Variants in EXOC4 observed in about 807,000 individuals in gnomAD.
EXOC4 encodes the protein SEC8-like 1.
Under a neutral mutation model 107.2 loss-of-function variants are expected in EXOC4, and 71 were observed. That is an observed-to-expected ratio of 0.66 (90% CI 0.55 to 0.81). EXOC4 has a LOEUF of 0.81. EXOC4 is among the 30% of genes least tolerant of loss of function. EXOC4 has a pLI of 0.00. For missense variants in EXOC4, 1,108 were observed against 1,189.6 expected, an observed-to-expected ratio of 0.93 and a Z score of 1.01; for synonymous variants, 456 against 441.2, an observed-to-expected ratio of 1.03 and a Z score of -0.42.
At chr7:133,911,514 T>C (rs1424260513) in intron 12 of EXOC4, among the ~76,000 whole-genome samples, 3 of 152,218 alleles carry the variant, frequency 2.0e-5, no homozygotes, top group African/African-American at 7.2e-5. Context: ...GCCTTTTCAT[T>C]CATTTGGATG....
intron 5 of EXOC4, 60 bp from the exon 6 acceptor site, chr7:133,356,270 T>C (rs1796017953): frequency 1.4e-5 from 22 of 1,560,694 alleles, no homozygotes; most frequent in Non-Finnish European, 1.8e-5. Context: ...ATTAGACTGC[T>C]CTGTTTTGGG....
At chr7:133,441,862 A>G (rs1474250954) in intron 7 of EXOC4, among the ~76,000 whole-genome samples, 1 of 152,182 alleles carries the variant, frequency 6.6e-6, no homozygotes, top group African/African-American at 2.4e-5. Context: ...GTGCATGCAC[A>G]TACACGCACA....
At chr7:133,586,624 CGGGTATATACCCAATAATGGGATTGCT>C (rs1801411109) in intron 9 of EXOC4, among the ~76,000 whole-genome samples, 1 of 152,036 alleles carries the variant, frequency 6.6e-6, no homozygotes, top group African/African-American at 2.4e-5. Flanking sequence ...TATATTCTTT[CGGGTATATACCCAATAATGGGATTGCT>C]GGGTTGAATA....
At chr7:134,038,944 C>T (rs1270492920) in intron 17 of EXOC4, among the ~76,000 whole-genome samples, 1 of 152,206 alleles carries the variant, frequency 6.6e-6, no homozygotes, top group Non-Finnish European at 1.5e-5. Context: ...TAAAGAGATA[C>T]CCATGTGTGT....
chr7:133,932,675 C>T (rs539250136), intron 13 of EXOC4, among the ~76,000 whole-genome samples: 3 of 152,312 alleles, frequency 2.0e-5, no homozygotes, highest in Non-Finnish European at 2.9e-5. Context: ...AAGACATTCT[C>T]TTATGTACCC....
At chr7:133,590,215 C>G (rs1325075127) in intron 9 of EXOC4, among the ~76,000 whole-genome samples, 1 of 152,172 alleles carries the variant, frequency 6.6e-6, no homozygotes, top group Non-Finnish European at 1.5e-5. Flanking sequence ...GTTCCTTTCT[C>G]TGCCTCCTGT....
rs550190056 is a variant in EXOC4, at chr7:133,854,777, C to G, written c.1734+37233C>G. On this transcript the variant is annotated intron_variant, in intron 11 of 17. Transcript: ENST00000253861. Reference sequence around the variant, plus strand: ...ATTTCATCTGCTTGGGTGTATCCTCCTCACCATCCCTTTTCCTTATTCCCT... The same window carrying G: ...ATTTCATCTGCTTGGGTGTATCCTCGTCACCATCCCTTTTCCTTATTCCCT... 4.0e-5 allele frequency among the ~76,000 whole-genome samples: 6 copies of G among 150,032 alleles called. No homozygotes were observed. In the East Asian group the frequency reaches 1.2e-3, roughly 30 times the overall value.
chr7:133,567,049 A>G (rs1214546243), intron 9 of EXOC4, among the ~76,000 whole-genome samples: 2 of 152,150 alleles, frequency 1.3e-5, no homozygotes, highest in African/African-American at 4.8e-5. Context: ...CTGGCTTAAG[A>G]AAACCAGCTT....
chr7:133,956,250 G>A (rs1010386225), intron 14 of EXOC4, among the ~76,000 whole-genome samples: 1 of 152,046 alleles, frequency 6.6e-6, no homozygotes, highest in Non-Finnish European at 1.5e-5. Context: ...GACATAATTA[G>A]GAGTTTAGCA....
At chr7:133,585,029 T>TC (rs1321158062) in intron 9 of EXOC4, among the ~76,000 whole-genome samples, 1 of 152,138 alleles carries the variant, frequency 6.6e-6, no homozygotes, top group Non-Finnish European at 1.5e-5. Flanking sequence ...TTTATTTTTT[T>TC]GAATGTAAAT....
chr7:133,632,610 T>A (rs1802616829), intron 10 of EXOC4, among the ~76,000 whole-genome samples: 1 of 152,212 alleles, frequency 6.6e-6, no homozygotes, highest in Admixed American at 6.5e-5. Context: ...TTCAGAAGTT[T>A]AGTTTTTGTA....
intron 11 of EXOC4, among the ~76,000 whole-genome samples, chr7:133,884,509 G>A (rs1025737779): frequency 6.6e-5 from 10 of 151,894 alleles, no homozygotes; most frequent in African/African-American, 2.2e-4. Context: ...ACACATTCAG[G>A]TGCATCAGCC....
intron 10 of EXOC4, among the ~76,000 whole-genome samples, chr7:133,648,822 G>C (rs1803060521): frequency 6.6e-6 from 1 of 152,196 alleles, no homozygotes; most frequent in Non-Finnish European, 1.5e-5. Flanking sequence ...TTGAGGGGCA[G>C]TTAAAAACAG....
chr7:134,083,049 TG>T, the EXOC4 span, among the ~76,000 whole-genome samples: 1 of 152,348 alleles, frequency 6.6e-6, no homozygotes, highest in South Asian at 2.1e-4. Flanking sequence ...GGAATCTTTC[TG>T]GAATACAATT....
At position 133,277,968 on chromosome 7, in the gene EXOC4, C is replaced by T. The variant is rs182686916; in HGVS notation, c.276+2797C>T. On this transcript the variant is annotated intron_variant, in intron 2 of 17. Coordinates refer to ENST00000253861, the MANE Select transcript of EXOC4 (RefSeq NM_021807.4). Reference sequence around the variant, plus strand: ...CATGGATGATTCAGTAACGATTGGGCTACGTTATCTCAGAGCCAAGCAAAA... The same window carrying T: ...CATGGATGATTCAGTAACGATTGGGTTACGTTATCTCAGAGCCAAGCAAAA... 7.7e-4 allele frequency among the ~76,000 whole-genome samples: 117 copies of T among 152,262 alleles called. 1 individual carries two copies. The highest frequency in any genetic ancestry group is 2.6e-3 in the African/African-American group (107 of 41,550).
At chr7:133,837,485 T>A (rs1797941349) in intron 11 of EXOC4, among the ~76,000 whole-genome samples, 1 of 152,198 alleles carries the variant, frequency 6.6e-6, no homozygotes, top group African/African-American at 2.4e-5. Flanking sequence ...GTGGCAGAAG[T>A]CATTTTGTCA....
At chr7:133,460,644 C>A (rs575503618) in intron 7 of EXOC4, among the ~76,000 whole-genome samples, 1 of 152,056 alleles carries the variant, frequency 6.6e-6, no homozygotes, top group African/African-American at 2.4e-5. Context: ...AAGCTGTCGA[C>A]AGGTATTTTT....
the EXOC4 span, among the ~76,000 whole-genome samples, chr7:134,093,838 C>T: frequency 6.6e-6 from 1 of 152,024 alleles, no homozygotes; most frequent in African/African-American, 2.4e-5. Context: ...GGGTAAACAA[C>T]AAAATCAAGA....
chr7:133,579,417 CTAA>C (rs934006741), intron 9 of EXOC4, among the ~76,000 whole-genome samples: 12 of 152,096 alleles, frequency 7.9e-5, no homozygotes, highest in Non-Finnish European at 1.5e-4. Context: ...TTGAAATACT[CTAA>C]TGTTTTTAAG....
Sources: allele counts gnomAD v4.1 joint callset (sites outside exome capture counted in the v4.1 genomes callset), GRCh38; gene constraint gnomAD v4.1.1; transcripts MANE v1.5; gene names NCBI Gene and HGNC (gene_info 2026-07-23, HGNC 2026-07-21).